Variants in LUZP2 observed in about 807,000 individuals in gnomAD.
LUZP2 encodes the protein leucine zipper protein 2.
Under a neutral mutation model 51.6 loss-of-function variants are expected in LUZP2, and 52 were observed. The ratio of observed to expected loss-of-function variants is 1.01; its 90% confidence interval spans 0.81 to 1.27. LUZP2 has a LOEUF of 1.27. Ranked by LOEUF, LUZP2 falls within the 50% of genes most tolerant of loss-of-function variation. The pLI is 0.00. For synonymous variants in LUZP2, 154 were observed against 137.3 expected (o/e 1.12, Z -0.85); for missense variants, 436 against 395.4 (o/e 1.10, Z -0.87).
chr11:24,559,006 A>G (rs1851953802), intron 1 of LUZP2, among the ~76,000 whole-genome samples: 2 of 152,184 alleles, frequency 1.3e-5, no homozygotes, highest in East Asian at 3.9e-4. Context: ...AAATTTTGGA[A>G]GGAACATGGT....
At chr11:24,517,276 G>C (rs1345571472) in intron 1 of LUZP2, among the ~76,000 whole-genome samples, 1 of 151,778 alleles carries the variant, frequency 6.6e-6, no homozygotes, top group African/African-American at 2.4e-5. Flanking sequence ...ATGAGGTCAG[G>C]AGATCGAGAC....
chr11:24,713,305 C>A (rs1857909469), intron 1 of LUZP2, among the ~76,000 whole-genome samples: 1 of 152,098 alleles, frequency 6.6e-6, no homozygotes, highest in Non-Finnish European at 1.5e-5. Flanking sequence ...CAGGAAAAAA[C>A]TACCTGTGTC....
intron 5 of LUZP2, among the ~76,000 whole-genome samples, chr11:24,864,281 A>G (rs996492679): frequency 5.9e-5 from 9 of 151,928 alleles, no homozygotes; most frequent in Admixed American, 3.9e-4. Flanking sequence ...ACATGGAACA[A>G]TATTTAATGA....
At chr11:25,023,709 A>C (rs1431295389) in intron 9 of LUZP2, among the ~76,000 whole-genome samples, 4 of 151,760 alleles carry the variant, frequency 2.6e-5, no homozygotes, top group South Asian at 2.1e-4. Context: ...TTCTCTAGTT[A>C]TTTTAATTGT....
chr11:25,009,847 G>A (rs1184985516), intron 9 of LUZP2, among the ~76,000 whole-genome samples: 1 of 152,130 alleles, frequency 6.6e-6, no homozygotes, highest in Non-Finnish European at 1.5e-5. Flanking sequence ...TAACTCAGCA[G>A]TTAGTACTAC....
At chr11:24,891,071 G>T (rs1039865868) in intron 5 of LUZP2, 4 of 983,350 alleles carry the variant, frequency 4.1e-6, no homozygotes, top group East Asian at 1.1e-4. Context: ...GCTGAGAAAC[G>T]TTCAAAAATG....
At chr11:24,802,958 C>T (rs1228480665) in intron 5 of LUZP2, among the ~76,000 whole-genome samples, 1 of 151,948 alleles carries the variant, frequency 6.6e-6, no homozygotes, top group Non-Finnish European at 1.5e-5. Flanking sequence ...TTAGACTTCC[C>T]AGCTTTTAGA....
At chr11:24,528,723 C>T (rs780623949) in intron 1 of LUZP2, among the ~76,000 whole-genome samples, 11 of 151,104 alleles carry the variant, frequency 7.3e-5, no homozygotes, top group South Asian at 4.1e-4. Flanking sequence ...TCTACAGAGA[C>T]GAACTAAAAT....
chr11:25,014,115 T>G (rs1857067691), intron 9 of LUZP2, among the ~76,000 whole-genome samples: 1 of 152,222 alleles, frequency 6.6e-6, no homozygotes, highest in Non-Finnish European at 1.5e-5. Context: ...TTCCATGGTG[T>G]ATATGTGCCA....
intron 1 of LUZP2, among the ~76,000 whole-genome samples, chr11:24,715,299 G>A (rs1590389130): frequency 1.3e-5 from 1 of 76,364 alleles, no homozygotes; most frequent in Non-Finnish European, 3.6e-5. Context: ...GTGTGTGTGT[G>A]TGTGTGTGCA....
At chr11:24,993,857 T>C (rs920371878) in intron 9 of LUZP2, among the ~76,000 whole-genome samples, 12 of 147,608 alleles carry the variant, frequency 8.1e-5, no homozygotes, top group African/African-American at 2.9e-4. Context: ...TTTCCATTTC[T>C]TTTTTTTGGG....
At chr11:24,863,734 A>T (rs1348449591) in intron 5 of LUZP2, among the ~76,000 whole-genome samples, 1 of 152,186 alleles carries the variant, frequency 6.6e-6, no homozygotes. Context: ...TAAAGCTGTT[A>T]TAAAAACACG....
intron 1 of LUZP2, among the ~76,000 whole-genome samples, chr11:24,630,516 T>C (rs1854842887): frequency 6.6e-6 from 1 of 152,050 alleles, no homozygotes; most frequent in Admixed American, 6.6e-5. Context: ...TTGCTTTATT[T>C]CTGGGTGCTA....
intron 4 of LUZP2, among the ~76,000 whole-genome samples, chr11:24,738,737 TC>T (rs71955811): frequency 0.019 from 2,919 of 152,078 alleles, 42 homozygotes; most frequent in African/African-American, 0.03. Context: ...TTCTAATGCA[TC>T]CCCAAAGTTG....
intron 5 of LUZP2, among the ~76,000 whole-genome samples, chr11:24,793,972 A>C (rs1849477716): frequency 6.6e-6 from 1 of 152,156 alleles, no homozygotes; most frequent in Non-Finnish European, 1.5e-5. Flanking sequence ...CAGAAAAGTA[A>C]TCTTTCTAAT....
chr11:24,832,674 T>C (rs965530032), intron 5 of LUZP2, among the ~76,000 whole-genome samples: 1 of 151,690 alleles, frequency 6.6e-6, no homozygotes, highest in Non-Finnish European at 1.5e-5. Context: ...TATATATAAA[T>C]GTAGTTAGAA....
intron 1 of LUZP2, among the ~76,000 whole-genome samples, chr11:24,516,235 T>C (rs1197343025): frequency 6.6e-6 from 1 of 152,222 alleles, no homozygotes; most frequent in Non-Finnish European, 1.5e-5. Flanking sequence ...TTCCTGTTAA[T>C]TTGTGGAAAT....
intron 4 of LUZP2, among the ~76,000 whole-genome samples, chr11:24,757,617 A>G (rs1486196666): frequency 6.6e-6 from 1 of 152,002 alleles, no homozygotes; most frequent in Non-Finnish European, 1.5e-5. Context: ...TAGACAAAAA[A>G]CAATAAACTA....
chr11:24,685,743 T>G (rs1401944601), intron 1 of LUZP2, among the ~76,000 whole-genome samples: 2 of 152,192 alleles, frequency 1.3e-5, no homozygotes, highest in African/African-American at 2.4e-5. Context: ...TAAGAAATAT[T>G]TCAGGACAGA....
Sources: gnomAD v4.1 joint callset for allele counts (sites outside exome capture counted in the v4.1 genomes callset) on GRCh38, gnomAD v4.1.1 for gene constraint, MANE v1.5 for transcripts, NCBI Gene and HGNC (gene_info 2026-07-23, HGNC 2026-07-21) for gene names.